Variants in RAD9B observed in about 807,000 individuals in gnomAD.
The protein encoded by RAD9B is cell cycle checkpoint control protein RAD9B.
A neutral mutation model predicts 48.3 loss-of-function variants in RAD9B; 41 were observed. That is an observed-to-expected ratio of 0.85 (90% confidence interval 0.66 to 1.10). The LOEUF is 1.10. Ranked by LOEUF, RAD9B falls within the 50% of genes least tolerant of loss-of-function variation. RAD9B has a pLI of 0.00. For missense variants in RAD9B, 444 were observed against 485.1 expected, an observed-to-expected ratio of 0.92 and a Z score of 0.80; for synonymous variants, 160 against 157.9, an observed-to-expected ratio of 1.01 and a Z score of -0.10.
In RAD9B at chr12:110,522,485, A is replaced by G. The variant is rs559423260; in HGVS notation, c.1125+74A>G. ...TCTCCCTTTGCAGTCTTCCTCCCCA[A>G]TCCCCACCCAGCCATGTTCTGAAAA... On this transcript the variant is annotated intron_variant, in intron 10 of 10. Transcript: ENST00000409300. 1.4e-4 allele frequency: 134 copies of G among 990,974 alleles called. 1 individual carries two copies. Among genetic ancestry groups the G allele is most frequent in the Middle Eastern group, 4.1e-4 (2 of 4,826 alleles). 61.4% of individuals were successfully genotyped at this position (990,974 alleles called of 1,614,324 possible). A position where few individuals can be genotyped will look rare whatever the true frequency, so the allele number is the denominator to read the frequency against.
intron 5 of RAD9B, 21 bp downstream of exon 5, chr12:110,512,899 A>T: frequency 8.3e-7 from 1 of 1,211,394 alleles, no homozygotes; most frequent in Non-Finnish European, 1.2e-6. Flanking sequence ...CTCTGTTGTC[A>T]GTTTTTTTCA....
intron 10 of RAD9B, 120 bp downstream of exon 10, chr12:110,522,531 TA>T (rs1359956670): frequency 1.4e-6 from 1 of 720,512 alleles, no homozygotes; most frequent in Non-Finnish European, 2.3e-6. Flanking sequence ...TATTTTTTGA[TA>T]GGGGAAAAGT....
rs1184363940 is a variant in RAD9B at position 110,532,220 on chromosome 12, T to G, written c.*1567T>G. 1 of 152,254 alleles carries G rather than the reference T, an allele frequency of 6.6e-6. No homozygotes were observed. The highest frequency in any genetic ancestry group is 2.4e-5 in the African/African-American group (1 of 41,462). The allele number at this position is 152,254 out of a possible 1,614,324, so 9.4% of individuals were successfully genotyped here. On this transcript the variant is annotated 3_prime_UTR_variant, in exon 11 of 11. Transcript: ENST00000409300. Reference sequence around the variant, plus strand: ...ATGTATCTTATGCTTACACTGATGATTAACACTGAATTTCTGGTATTTCTA... The same window carrying G: ...ATGTATCTTATGCTTACACTGATGAGTAACACTGAATTTCTGGTATTTCTA...
Position 110,522,289 on chromosome 12 carries a change from A to C in RAD9B, c.1003A>C (p.Ile335Leu), listed in dbSNP as rs755974229. The change falls in exon 10 of 11, where the codon ATA becomes CTA. Residue 335 changes from isoleucine to leucine, a missense_variant. By Grantham distance (5) the Ile-to-Leu change is conservative. Transcript: ENST00000409300. ...TTATCCTAAGGAGACTCTCACAAAC[A>C]TATCTGCATTGGAAAACTGTGGCAG... ...RLYPKETLTN[I>L]SALENCGSPA... The C allele has an allele frequency of 1.9e-6, 3 of 1,613,584 alleles. No individual in the cohort carries two copies. The South Asian group carries it at 3.3e-5, about 18-fold the overall frequency.
intron 4 of RAD9B, among the ~76,000 whole-genome samples, chr12:110,510,683 A>G (rs983284376): frequency 1.3e-5 from 2 of 152,206 alleles, no homozygotes; most frequent in Non-Finnish European, 2.9e-5. Flanking sequence ...TGTAATATGT[A>G]TGCTACAGTT....
rs573122162 is a variant in RAD9B at position 110,532,650 on chromosome 12, A to G, written c.*1997A>G. On this transcript the variant is annotated 3_prime_UTR_variant, in exon 11 of 11. Coordinates refer to ENST00000409300, the MANE Select transcript of RAD9B (RefSeq NM_001286535.2). ...TTTTGGTCAACGATGGACTGCACAG[A>G]CAGTGGTGGTCCCATAAGATAATGG... Among the ~76,000 whole-genome samples, 2 of 152,372 alleles carry G rather than the reference A, an allele frequency of 1.3e-5. No individual in the cohort carries two copies. Among genetic ancestry groups the G allele is most frequent in the South Asian group, 4.1e-4 (2 of 4,828 alleles).
chr12:110,513,374 A>G (rs764238072), intron 5 of RAD9B, among the ~76,000 whole-genome samples: 1 of 152,104 alleles, frequency 6.6e-6, no homozygotes, highest in Non-Finnish European at 1.5e-5. Flanking sequence ...AATGGTAGCT[A>G]TAATAATTTA....
intron 6 of RAD9B, among the ~76,000 whole-genome samples, chr12:110,517,988 A>G (rs1293146411): frequency 1.3e-5 from 2 of 152,102 alleles, no homozygotes; most frequent in Non-Finnish European, 2.9e-5. Context: ...GGAGATCGAG[A>G]CCATCCTGGC....
At chr12:110,522,708 A>G (rs2063821741) in intron 10 of RAD9B, among the ~76,000 whole-genome samples, 1 of 152,226 alleles carries the variant, frequency 6.6e-6, no homozygotes, top group Admixed American at 6.5e-5. Flanking sequence ...TGATTTTTTT[A>G]TGGTATATTC....
rs761913057 is a variant in RAD9B, at chr12:110,531,691, CA to C, written c.*1041del. 2.6e-6 allele frequency: 4 copies of C among 1,517,006 alleles called. No individual in the cohort carries two copies. The African/African-American group carries it at 4.1e-5, about 16-fold the overall frequency. The allele number at this position is 1,517,006 out of a possible 1,614,324, so 94.0% of individuals were successfully genotyped here. On this transcript the variant is annotated 3_prime_UTR_variant, in exon 11 of 11. Coordinates refer to ENST00000409300, the MANE Select transcript of RAD9B (RefSeq NM_001286535.2). ...GTTTGGAGTGGAATAAGGTGGAAGA[CA>C]AATGTCTCTGTTCTTTGGCCCTTTA...
intron 4 of RAD9B, among the ~76,000 whole-genome samples, chr12:110,511,088 G>C (rs1048987090): frequency 6.6e-6 from 1 of 152,100 alleles, no homozygotes; most frequent in African/African-American, 2.4e-5. Flanking sequence ...CTGGATGGAG[G>C]GTACTGAAAG....
Position 110,531,820 on chromosome 12 carries a change from A to C in RAD9B, c.*1167A>C, listed in dbSNP as rs1778515369. ...GCCTCTCCCTCCCCCAAACCTGTTT[A>C]CAGTCAATTATAACCTGACAAACGA... On this transcript the variant is annotated 3_prime_UTR_variant, in exon 11 of 11. Transcript: ENST00000409300. The C allele has an allele frequency of 1.8e-6, 1 of 550,656 alleles. No individual in the cohort carries two copies. The highest frequency in any genetic ancestry group is 3.2e-6 in the Non-Finnish European group (1 of 315,640). The allele number at this position is 550,656 out of a possible 1,614,324, so 34.1% of individuals were successfully genotyped here. A position where few individuals can be genotyped will look rare whatever the true frequency, so the allele number is the denominator to read the frequency against.
intron 8 of RAD9B, 146 bp from the exon 9 acceptor site, chr12:110,519,648 C>G: frequency 2.7e-6 from 2 of 737,178 alleles, no homozygotes; most frequent in Non-Finnish European, 4.2e-6. Context: ...GTTGGTCAGG[C>G]TGGTCTCAAA....
intron 1 of RAD9B, chr12:110,502,657 ATGGGGAAGAG>A (rs2135627817): frequency 2.2e-6 from 1 of 450,862 alleles, no homozygotes; most frequent in East Asian, 3.9e-5. Flanking sequence ...TGAGGACTGC[ATGGGGAAGAG>A]TTGAGAGAAA....
rs1249725210 is a variant in RAD9B, at chr12:110,502,348, T to G, written c.11T>G (p.Met4Arg). Reference protein sequence around the residue: MAAMLKCVMSGSQV... With the variant: MAARLKCVMSGSQV... ...TGCTTTTTAGGGCGGATGGCAGCCA[T>G]GCTGAAGTGCGTGATGAGCGGCAGT... Residue 4 changes from methionine (M) to arginine (R), a missense_variant, in exon 1 of 11, where the codon ATG becomes AGG. Physicochemically the swap from Met to Arg is moderately conservative, Grantham distance 91 (BLOSUM62 -1). Coordinates refer to ENST00000409300, the MANE Select transcript of RAD9B (RefSeq NM_001286535.2). 6.2e-7 allele frequency: 1 copy of G among 1,613,660 alleles called. No individual in the cohort carries two copies. Among genetic ancestry groups the G allele is most frequent in the Non-Finnish European group, 8.5e-7 (1 of 1,179,772 alleles).
intron 10 of RAD9B, among the ~76,000 whole-genome samples, chr12:110,528,847 A>G (rs990296790): frequency 3.3e-5 from 5 of 151,660 alleles, no homozygotes; most frequent in African/African-American, 1.2e-4. Flanking sequence ...TGTGCCTCAG[A>G]CTCCCAAGTA....
In RAD9B at chr12:110,531,384, G is replaced by C. The variant is rs1473969048; in HGVS notation, c.*731G>C. The C allele has an allele frequency of 1.7e-5, 8 of 474,522 alleles. No homozygotes were observed. The highest frequency in any genetic ancestry group is 2.9e-5 in the Non-Finnish European group (8 of 274,048). The allele number at this position is 474,522 out of a possible 1,614,324, so 29.4% of individuals were successfully genotyped here. A position where few individuals can be genotyped will look rare whatever the true frequency, so the allele number is the denominator to read the frequency against. On this transcript the variant is annotated 3_prime_UTR_variant, in exon 11 of 11. Transcript: ENST00000409300. ...ATTTCTGGTATTTTGTAGAGACAGG[G>C]TTTCGCCATGTTGGCCAGGGTGGTC...
Position 110,522,169 on chromosome 12 carries a change from T to C in RAD9B, c.891-8T>C. The C allele has an allele frequency of 6.5e-7, 1 of 1,543,688 alleles. No individual in the cohort carries two copies. Among genetic ancestry groups the C allele is most frequent in the South Asian group, 1.2e-5 (1 of 83,724 alleles). On this transcript the variant is annotated splice_polypyrimidine_tract_variant and splice_region_variant and intron_variant, in intron 9 of 10. Coordinates refer to ENST00000409300, the MANE Select transcript of RAD9B (RefSeq NM_001286535.2). The stretch of plus-strand genomic sequence containing the variant: ...AGTTCATTCATTTAATGCCTATTAA[T>C]ACCTCAGGTCAGATCTGATTGAAAA...
intron 10 of RAD9B, among the ~76,000 whole-genome samples, chr12:110,522,777 T>C (rs922203336): frequency 3.3e-5 from 5 of 152,344 alleles, no homozygotes; most frequent in African/African-American, 1.2e-4. Context: ...CTAAAATGTT[T>C]CCTTCTAATT....
Sources: allele counts gnomAD v4.1 joint callset (sites outside exome capture counted in the v4.1 genomes callset), GRCh38; gene constraint gnomAD v4.1.1; transcripts MANE v1.5; gene names NCBI Gene and HGNC (gene_info 2026-07-23, HGNC 2026-07-21).